DRC8: variants seen among roughly 807,000 people sequenced by gnomAD.
The protein encoded by DRC8 is dynein regulatory complex protein 8.
chr1:245,031,239 G>C, the DRC8 span, among the ~76,000 whole-genome samples: 2 of 151,898 alleles, frequency 1.3e-5, no homozygotes, highest in Admixed American at 1.3e-4. Context: ...ATGGTGGTCG[G>C]CTGTGGTGGA....
chr1:245,104,607 C>T, the DRC8 span, among the ~76,000 whole-genome samples: 1 of 152,114 alleles, frequency 6.6e-6, no homozygotes, highest in Non-Finnish European at 1.5e-5. Flanking sequence ...CACCTATTCT[C>T]CCTCAACAGT....
the DRC8 span, among the ~76,000 whole-genome samples, chr1:245,092,084 CTCTGA>C: frequency 6.6e-6 from 1 of 152,234 alleles, no homozygotes; most frequent in South Asian, 2.1e-4. Context: ...CGATCTTGTG[CTCTGA>C]TCCCAGCTTC....
chr1:245,067,383 G>GT, the DRC8 span, among the ~76,000 whole-genome samples: 7 of 151,986 alleles, frequency 4.6e-5, no homozygotes, highest in African/African-American at 1.2e-4. Context: ...AAATGTTACA[G>GT]TTTTTTTTAT....
chr1:244,981,437 C>T, the DRC8 span, among the ~76,000 whole-genome samples: 1 of 152,150 alleles, frequency 6.6e-6, no homozygotes, highest in South Asian at 2.1e-4. Context: ...AGCACTTACT[C>T]TGAAGTAGGC....
At chr1:245,121,973 G>A in the DRC8 span, 1,059 of 398,354 alleles carry the variant, frequency 2.7e-3, 6 homozygotes, top group African/African-American at 0.021. Context: ...ATCTTGGCTC[G>A]TTGCAACCTC....
the DRC8 span, among the ~76,000 whole-genome samples, chr1:245,008,502 G>A: frequency 6.6e-6 from 1 of 151,886 alleles, no homozygotes; most frequent in Non-Finnish European, 1.5e-5. Flanking sequence ...CTCAATTCCT[G>A]ATTTTAAAAA....
the DRC8 span, among the ~76,000 whole-genome samples, chr1:245,121,710 A>C: frequency 2.6e-5 from 4 of 152,008 alleles, no homozygotes; most frequent in East Asian, 5.8e-4. Context: ...AACCAAAACG[A>C]GGGCTGTCCA....
the DRC8 span, among the ~76,000 whole-genome samples, chr1:244,973,221 A>G: frequency 1.0e-5 from 1 of 97,520 alleles, no homozygotes; most frequent in Non-Finnish European, 2.4e-5. Flanking sequence ...AATTTTGGCA[A>G]TATACTAATA....
the DRC8 span, among the ~76,000 whole-genome samples, chr1:245,067,663 A>G: frequency 4.7e-4 from 71 of 151,910 alleles, no homozygotes; most frequent in African/African-American, 1.6e-3. Context: ...CTTTTGAGTT[A>G]GTAGAACAAG....
chr1:245,044,296 C>A, the DRC8 span, among the ~76,000 whole-genome samples: 15 of 152,218 alleles, frequency 9.9e-5, no homozygotes, highest in Middle Eastern at 3.4e-3. Context: ...GGAAATAAAA[C>A]CACAATGGAA....
At chr1:245,061,455 A>C in the DRC8 span, among the ~76,000 whole-genome samples, 1 of 152,334 alleles carries the variant, frequency 6.6e-6, no homozygotes, top group South Asian at 2.1e-4. Context: ...CTTATGTACC[A>C]GTAGGGGTCA....
At chr1:244,979,622 A>T in the DRC8 span, among the ~76,000 whole-genome samples, 1 of 151,026 alleles carries the variant, frequency 6.6e-6, no homozygotes, top group Non-Finnish European at 1.5e-5. Flanking sequence ...TTGTATTTTT[A>T]GTAGAGACGG....
the DRC8 span, among the ~76,000 whole-genome samples, chr1:245,055,921 G>A: frequency 6.6e-6 from 1 of 152,112 alleles, no homozygotes; most frequent in South Asian, 2.1e-4. Context: ...TAGAGACAGG[G>A]TCTTGCTGTG....
chr1:245,010,521 C>T, the DRC8 span, among the ~76,000 whole-genome samples: 1 of 152,102 alleles, frequency 6.6e-6, no homozygotes, highest in Non-Finnish European at 1.5e-5. Flanking sequence ...GCCATCGGAG[C>T]CTGTCGTGCC....
the DRC8 span, among the ~76,000 whole-genome samples, chr1:244,992,486 C>A: frequency 1.3e-5 from 2 of 152,200 alleles, no homozygotes; most frequent in Non-Finnish European, 2.9e-5. Flanking sequence ...CTCCTATAAT[C>A]CCAGCATTTT....
chr1:245,057,711 T>C, the DRC8 span, among the ~76,000 whole-genome samples: 2 of 152,302 alleles, frequency 1.3e-5, no homozygotes, highest in East Asian at 1.9e-4. Flanking sequence ...GTGGGCTATT[T>C]TGATACCTGC....
the DRC8 span, among the ~76,000 whole-genome samples, chr1:245,034,989 TGA>T: frequency 6.6e-6 from 1 of 151,726 alleles, no homozygotes; most frequent in Non-Finnish European, 1.5e-5. Flanking sequence ...TCAAATCTAA[TGA>T]GAGTCATTTG....
At chr1:244,978,179 T>G in the DRC8 span, among the ~76,000 whole-genome samples, 3 of 152,280 alleles carry the variant, frequency 2.0e-5, no homozygotes, top group African/African-American at 7.2e-5. Flanking sequence ...GTAATTTTAG[T>G]TTTTATTTTT....
At chr1:245,007,193 C>T in the DRC8 span, among the ~76,000 whole-genome samples, 21,008 of 151,560 alleles carry the variant, frequency 0.14, 2,058 homozygotes, top group East Asian at 0.45. Flanking sequence ...GGTTGTGGGC[C>T]ATTCTGTATG....
Sources: allele counts gnomAD v4.1 joint callset (sites outside exome capture counted in the v4.1 genomes callset), GRCh38; gene constraint gnomAD v4.1.1; transcripts MANE v1.5; gene names NCBI Gene and HGNC (gene_info 2026-07-23, HGNC 2026-07-21).